The following UHRF1 variants were observed in gnomAD, a reference collection of about 807,000 sequenced individuals.
UHRF1 encodes the protein ubiquitin like with PHD and ring finger domains 1, also known as E3 ubiquitin-protein ligase UHRF1.
UHRF1 carries 9 observed loss-of-function variants against 96.5 expected under a neutral mutation model. The observed-to-expected ratio is 0.09, with a 90% CI of 0.06 to 0.16. The LOEUF (loss-of-function observed/expected upper bound fraction) is 0.16, where lower values mean the gene tolerates loss of function less well. Among genes scored for constraint, UHRF1 ranks in the 10% least tolerant of loss-of-function variants. The pLI is 1.00. For missense variants in UHRF1, 626 were observed against 1,131.1 expected (o/e 0.55, Z 6.40); for synonymous variants, 455 against 469.9 (o/e 0.97, Z 0.41).
At chr19:4,912,883 C>T (rs1453999485) in intron 2 of UHRF1, among the ~76,000 whole-genome samples, 5 of 152,018 alleles carry the variant, frequency 3.3e-5, no homozygotes, top group Admixed American at 2.6e-4. Context: ...CCTCAGCCTC[C>T]CAAGTAGCTA....
intron 2 of UHRF1, among the ~76,000 whole-genome samples, chr19:4,918,970 C>T (rs1035124573): frequency 2.0e-5 from 3 of 151,642 alleles, no homozygotes; most frequent in African/African-American, 7.3e-5. Context: ...GATCCTTCTG[C>T]CTCAGCTTCC....
rs2032160666 is a variant in UHRF1, at chr19:4,909,509, T to G, written c.-157T>G. ...TTCGCGGGAAAAAAATCAGAGCAGC[T>G]GGCAGCGCGGCGGGCAGCGTTTGCC... On this transcript the variant is annotated 5_prime_UTR_variant, in exon 1 of 17. Coordinates refer to ENST00000650932, the MANE Select transcript of UHRF1 (RefSeq NM_001048201.3). The G allele has an allele frequency of 1.5e-6, 1 of 657,984 alleles. No homozygotes were observed. Among genetic ancestry groups the G allele is most frequent in the Non-Finnish European group, 2.7e-6 (1 of 364,802 alleles). The allele number at this position is 657,984 out of a possible 1,614,324, so 40.8% of individuals were successfully genotyped here.
Position 4,930,164 on chromosome 19 carries a change from G to C in UHRF1, c.409-552G>C, listed in dbSNP as rs559983113. ...TAATTTTTGTATTTTTTGTAGAGAC[G>C]GGATTTCGCCATGTTGGCCAGGCTA... On this transcript the variant is annotated intron_variant, in intron 3 of 16. Transcript: ENST00000650932. This position sits in a 1 kb window ranked among gnomAD's most constrained non-coding sequence, Gnocchi z 4.4. Among the ~76,000 whole-genome samples, 1 of 152,030 alleles carries C rather than the reference G, an allele frequency of 6.6e-6. No individual in the cohort carries two copies. Among genetic ancestry groups the C allele is most frequent in the Non-Finnish European group, 1.5e-5 (1 of 67,996 alleles).
intron 2 of UHRF1, among the ~76,000 whole-genome samples, chr19:4,922,138 A>G (rs1346893382): frequency 1.3e-5 from 2 of 151,986 alleles, no homozygotes; most frequent in Non-Finnish European, 2.9e-5. Flanking sequence ...GTAGAGATGG[A>G]GTCTCACCAT....
chr19:4,914,905 G>A (rs536320845), intron 2 of UHRF1, among the ~76,000 whole-genome samples: 31 of 152,214 alleles, frequency 2.0e-4, no homozygotes, highest in African/African-American at 7.2e-4. Flanking sequence ...CAATGAAAGC[G>A]AAATCAATCT....
chr19:4,930,649 A>G lies in UHRF1; in HGVS notation c.409-67A>G, dbSNP rs1244542808. The G allele has an allele frequency of 6.4e-7, 1 of 1,556,230 alleles. No homozygotes were observed. Among genetic ancestry groups the G allele is most frequent in the Non-Finnish European group, 8.7e-7 (1 of 1,144,882 alleles). On this transcript the variant is annotated intron_variant, in intron 3 of 16. Transcript: ENST00000650932. This position sits in a 1 kb window ranked among gnomAD's most constrained non-coding sequence, Gnocchi z 4.4. ...TTCCAGAGCATCCCAGTGTCCGAGA[A>G]CCAAGGTGGTCTCCCGTCAGTTTTC...
intron 2 of UHRF1, among the ~76,000 whole-genome samples, chr19:4,926,002 A>G (rs2032857741): frequency 6.6e-6 from 1 of 151,986 alleles, no homozygotes; most frequent in Non-Finnish European, 1.5e-5. Flanking sequence ...GGTTCAAGCA[A>G]TTGTCCTTCC....
At chr19:4,916,570 G>A (rs2032510720) in intron 2 of UHRF1, among the ~76,000 whole-genome samples, 1 of 152,140 alleles carries the variant, frequency 6.6e-6, no homozygotes, top group African/African-American at 2.4e-5. Context: ...CCGGGTCGAA[G>A]GGCAGAGTTC....
At position 4,947,488 on chromosome 19, in the gene UHRF1, ATCTTTTTTTTT is replaced by A. The variant is rs2033601566; in HGVS notation, c.1517+279_1517+289del. ...CCCTATAAAAGGCCAGATAATAGAT[ATCTTTTTTTTT>A]TTTTTTTTTTTTTTTTTTTTGGGCA... On this transcript the variant is annotated intron_variant, in intron 11 of 16. Transcript: ENST00000650932. 4.3e-5 allele frequency among the ~76,000 whole-genome samples: 3 copies of A among 70,372 alleles called. No homozygotes were observed. In the South Asian group the frequency reaches 1.6e-3, roughly 37 times the overall value. 46.2% of individuals were successfully genotyped at this position (70,372 alleles called of 152,430 possible). A position where few individuals can be genotyped will look rare whatever the true frequency, so the allele number is the denominator to read the frequency against.
intron 5 of UHRF1, among the ~76,000 whole-genome samples, chr19:4,938,902 C>A: frequency 6.7e-6 from 1 of 150,298 alleles, no homozygotes; most frequent in Non-Finnish European, 1.5e-5. Flanking sequence ...CACCACCATG[C>A]CTGACTAATT....
At chr19:4,910,681 C>A in intron 1 of UHRF1, 195 bp from the exon 2 acceptor site, 1 of 465,292 alleles carries the variant, frequency 2.1e-6, no homozygotes. Context: ...CTTGGCTAGT[C>A]GTTAATGCCT....
In UHRF1 at chr19:4,910,759, C is replaced by T. The variant is rs17881191; in HGVS notation, c.-10-117C>T. 2.6e-4 allele frequency: 332 copies of T among 1,294,602 alleles called. 5 individuals are homozygous for T. The South Asian group carries it at 5.1e-3, about 20-fold the overall frequency. The allele number at this position is 1,294,602 out of a possible 1,614,324, so 80.2% of individuals were successfully genotyped here. On this transcript the variant is annotated intron_variant, in intron 1 of 16. Coordinates refer to ENST00000650932, the MANE Select transcript of UHRF1 (RefSeq NM_001048201.3). ...CTGTACAGGAGGACTGGAAGGGCAT[C>T]CTGGGAGTTTCCTGGTGTCCACAGG...
chr19:4,946,097 C>G, intron 10 of UHRF1, 132 bp downstream of exon 10: 2 of 638,274 alleles, frequency 3.1e-6, no homozygotes, highest in Non-Finnish European at 5.4e-6. Context: ...AGTATATTCC[C>G]ATTGCTATGC....
chr19:4,911,130 C>A, intron 2 of UHRF1, 92 bp downstream of exon 2: 12 of 1,238,558 alleles, frequency 9.7e-6, no homozygotes, highest in Non-Finnish European at 1.2e-5. Context: ...CCCACCTCCC[C>A]CCCCAACAAC....
At chr19:4,928,249 C>T (rs2032934660) in intron 2 of UHRF1, among the ~76,000 whole-genome samples, 1 of 151,992 alleles carries the variant, frequency 6.6e-6, no homozygotes, top group Non-Finnish European at 1.5e-5. Context: ...GAGAATGGTC[C>T]AGGACCTGGC....
In UHRF1 at chr19:4,961,927, A is replaced by G. The variant is rs2033996814; in HGVS notation, c.*1124A>G. On this transcript the variant is annotated 3_prime_UTR_variant, in exon 17 of 17. Transcript: ENST00000650932. ...TTGAAAGGGTTTGTTAATTTTTCTA[A>G]TTTTACCAAAGTTTGCAGCCTATAC... 3 of 150,254 alleles carry G rather than the reference A, an allele frequency of 2.0e-5. No individual in the cohort carries two copies. In the Admixed American group the frequency reaches 2.0e-4, roughly 10 times the overall value. The allele number at this position is 150,254 out of a possible 1,614,324, so 9.3% of individuals were successfully genotyped here.
In UHRF1 at chr19:4,941,940, G is replaced by C. The variant is rs553819013; in HGVS notation, c.1073+9G>C. 31 of 1,488,584 alleles carry C rather than the reference G, an allele frequency of 2.1e-5. No individual in the cohort carries two copies. Among genetic ancestry groups the C allele is most frequent in the African/African-American group, 2.0e-4 (14 of 71,044 alleles). The allele number at this position is 1,488,584 out of a possible 1,614,324, so 92.2% of individuals were successfully genotyped here. ...CCCAGCGAGGACGAGTGGTGAGTGC[G>C]GCCCTGCCCGCCGCGGGGAGACCAG... On this transcript the variant is annotated intron_variant, in intron 7 of 16. Transcript: ENST00000650932.
intron 10 of UHRF1, among the ~76,000 whole-genome samples, chr19:4,946,899 G>A (rs894988859): frequency 1.3e-5 from 2 of 151,934 alleles, no homozygotes; most frequent in African/African-American, 2.4e-5. Flanking sequence ...TCTTGAGGAC[G>A]CACCACACTG....
chr19:4,905,668 C>A (rs974618843), upstream of UHRF1, among the ~76,000 whole-genome samples: 1 of 152,068 alleles, frequency 6.6e-6, no homozygotes, highest in African/African-American at 2.4e-5. Flanking sequence ...TAGGCACGTG[C>A]CACCACATCT....
Sources: allele counts gnomAD v4.1 joint callset (sites outside exome capture counted in the v4.1 genomes callset), GRCh38; gene constraint gnomAD v4.1.1; non-coding constraint Gnocchi (gnomAD v3.1); transcripts MANE v1.5; gene names NCBI Gene and HGNC (gene_info 2026-07-23, HGNC 2026-07-21).